PLCG2: variants seen among roughly 807,000 people sequenced by gnomAD.
The protein encoded by PLCG2 is phospholipase C gamma 2.
A neutral mutation model predicts 175.6 loss-of-function variants in PLCG2; 69 were observed. The ratio of observed to expected loss-of-function variants is 0.39; its 90% CI spans 0.32 to 0.48. PLCG2 has a LOEUF of 0.48. PLCG2 is among the 20% of genes least tolerant of loss of function. The pLI, the probability that PLCG2 is intolerant of heterozygous loss-of-function variation, is 0.91. For missense variants in PLCG2, 1,798 were observed against 1,650.9 expected (o/e 1.09, Z -1.54); for synonymous variants, 827 against 624.0 (o/e 1.33, Z -4.85).
chr16:81,766,602 T>A (rs1910156658), intron 2 of PLCG2: 1 of 152,544 alleles, frequency 6.6e-6, no homozygotes, highest in Non-Finnish European at 1.5e-5. Context: ...TCTGCTAAAG[T>A]GCTCACCCCA....
chr16:81,785,968 C>T lies in PLCG2; in HGVS notation c.-22C>T, dbSNP rs1567462973. ...CTTCCTGATTTCTCCCGATTCCTTC[C>T]TTCTCCCTGGAGCGGCCGACAATGT... is the stretch of plus-strand genomic sequence containing the variant. On this transcript the variant is annotated 5_prime_UTR_variant, in exon 2 of 33. Transcript: ENST00000564138. 5 of 1,604,332 alleles carry T rather than the reference C, an allele frequency of 3.1e-6. No individual in the cohort carries two copies. Among genetic ancestry groups the T allele is most frequent in the Non-Finnish European group, 4.3e-6 (5 of 1,173,400 alleles).
intron 2 of PLCG2, among the ~76,000 whole-genome samples, chr16:81,846,435 T>C (rs984083660): frequency 6.6e-6 from 1 of 152,234 alleles, no homozygotes; most frequent in Non-Finnish European, 1.5e-5. Flanking sequence ...TGACTCAGGC[T>C]CAACTTCCAG....
chr16:81,930,513 C>G (rs1030787364), intron 24 of PLCG2, among the ~76,000 whole-genome samples: 2 of 152,036 alleles, frequency 1.3e-5, no homozygotes, highest in African/African-American at 4.8e-5. Flanking sequence ...TTTGGGAGGC[C>G]AAGGTGAGTG....
intron 7 of PLCG2, among the ~76,000 whole-genome samples, chr16:81,877,743 C>T (rs1036269961): frequency 9.2e-5 from 14 of 152,142 alleles, no homozygotes; most frequent in African/African-American, 3.4e-4. Context: ...GGCATGTAGG[C>T]GTCATCGCTT....
intron 10 of PLCG2, chr16:81,889,547 C>G (rs1035638486): frequency 3.4e-6 from 1 of 296,734 alleles, no homozygotes; most frequent in East Asian, 5.2e-5. Flanking sequence ...AGGGAAAGAG[C>G]TTAACTCACT....
chr16:81,742,353 C>T (rs1004670656), intron 1 of PLCG2, among the ~76,000 whole-genome samples: 1 of 152,088 alleles, frequency 6.6e-6, no homozygotes, highest in South Asian at 2.1e-4. Flanking sequence ...ATGAGGGCTC[C>T]AGGTGCAGAG....
intron 2 of PLCG2, among the ~76,000 whole-genome samples, chr16:81,824,821 A>C (rs1330977449): frequency 6.6e-6 from 1 of 152,208 alleles, no homozygotes; most frequent in Non-Finnish European, 1.5e-5. Context: ...GATATGTTAC[A>C]TTATGTGGCA....
chr16:81,744,706 G>T (rs1248411124), intron 1 of PLCG2, among the ~76,000 whole-genome samples: 3 of 152,012 alleles, frequency 2.0e-5, no homozygotes, highest in African/African-American at 7.2e-5. Flanking sequence ...TGAGTAGCTG[G>T]GTCTACAGGC....
chr16:81,830,697 A>G (rs970152191), intron 2 of PLCG2, among the ~76,000 whole-genome samples: 1 of 151,844 alleles, frequency 6.6e-6, no homozygotes, highest in African/African-American at 2.4e-5. Context: ...TATATTTTAT[A>G]TATGTATATA....
intron 31 of PLCG2, among the ~76,000 whole-genome samples, chr16:81,954,581 T>C (rs1051154905): frequency 3.3e-5 from 5 of 152,218 alleles, no homozygotes; most frequent in South Asian, 2.1e-4. Context: ...TGAGAACATA[T>C]GGTATTTGGT....
intron 5 of PLCG2, among the ~76,000 whole-genome samples, chr16:81,863,113 A>G (rs1907062558): frequency 1.3e-5 from 2 of 152,196 alleles, no homozygotes; most frequent in South Asian, 4.1e-4. Context: ...GAAGTATATC[A>G]TGTTGTCATG....
intron 7 of PLCG2, among the ~76,000 whole-genome samples, chr16:81,880,242 A>G (rs780763104): frequency 2.0e-5 from 3 of 152,224 alleles, no homozygotes; most frequent in Non-Finnish European, 4.4e-5. Context: ...CCATCTCTAA[A>G]GAAACCTGGC....
At chr16:81,840,441 A>G (rs1567492248) in intron 2 of PLCG2, among the ~76,000 whole-genome samples, 3 of 152,216 alleles carry the variant, frequency 2.0e-5, no homozygotes, top group Non-Finnish European at 2.9e-5. Context: ...TTATGATTAC[A>G]TTGTAATATA....
chr16:81,744,166 T>C (rs1238358104), intron 1 of PLCG2, among the ~76,000 whole-genome samples: 5 of 130,636 alleles, frequency 3.8e-5, no homozygotes, highest in African/African-American at 8.6e-5. Flanking sequence ...CCAACTTCCC[T>C]TTTTTTTTTT....
chr16:81,744,165 CTTTTTTTT>C (rs1185124266), intron 1 of PLCG2, among the ~76,000 whole-genome samples: 1 of 127,708 alleles, frequency 7.8e-6, no homozygotes, highest in East Asian at 2.3e-4. Context: ...GCCAACTTCC[CTTTTTTTT>C]TTTTTTTTTG....
intron 2 of PLCG2, among the ~76,000 whole-genome samples, chr16:81,772,195 A>G (rs1442329968): frequency 6.6e-6 from 1 of 152,026 alleles, no homozygotes; most frequent in Non-Finnish European, 1.5e-5. Context: ...GAGAAAGGAG[A>G]GGGGTATTTG....
In PLCG2 at chr16:81,958,547, C is replaced by G. The variant is rs1911665705; in HGVS notation, c.*549C>G. 4.3e-6 allele frequency: 1 copy of G among 231,110 alleles called. No individual in the cohort carries two copies. Among genetic ancestry groups the G allele is most frequent in the African/African-American group, 2.2e-5 (1 of 45,220 alleles). The allele number at this position is 231,110 out of a possible 1,614,324, so 14.3% of individuals were successfully genotyped here. A position where few individuals can be genotyped will look rare whatever the true frequency, so the allele number is the denominator to read the frequency against. On this transcript the variant is annotated 3_prime_UTR_variant, in exon 33 of 33. Coordinates refer to ENST00000564138, the MANE Select transcript of PLCG2 (RefSeq NM_002661.5). ...TTTAACTACCACCGGCTGCCTGCTGCAGTCCACAAGAAAATGGCTGAGTGA... is the reference window on the plus strand; with the variant it reads ...TTTAACTACCACCGGCTGCCTGCTGGAGTCCACAAGAAAATGGCTGAGTGA...
At chr16:81,812,729 T>C (rs1052468269) in intron 2 of PLCG2, among the ~76,000 whole-genome samples, 1 of 152,250 alleles carries the variant, frequency 6.6e-6, no homozygotes, top group African/African-American at 2.4e-5. Flanking sequence ...TTTGGTGTTT[T>C]AGTCATGAAG....
rs1911659952 is a variant in PLCG2 at position 81,958,400 on chromosome 16, G to A, written c.*402G>A. 1 of 250,872 alleles carries A rather than the reference G, an allele frequency of 4.0e-6. No homozygotes were observed. The highest frequency in any genetic ancestry group is 7.7e-6 in the Non-Finnish European group (1 of 129,640). 15.5% of individuals were successfully genotyped at this position (250,872 alleles called of 1,614,324 possible). On this transcript the variant is annotated 3_prime_UTR_variant, in exon 33 of 33. Transcript: ENST00000564138. ...CAGGTAACTGATGTCCATGGAGGAT[G>A]AGCTGGAAATGTAAGAAACTATTCA...
Sources: allele counts gnomAD v4.1 joint callset (sites outside exome capture counted in the v4.1 genomes callset), GRCh38; gene constraint gnomAD v4.1.1; transcripts MANE v1.5; gene names NCBI Gene and HGNC (gene_info 2026-07-23, HGNC 2026-07-21).